ACO2: variants seen among roughly 807,000 people sequenced by gnomAD.
The protein encoded by ACO2 is aconitase 2.
A neutral mutation model predicts 84.5 loss-of-function variants in ACO2; 31 were observed. The observed-to-expected ratio is 0.37, with a 90% CI of 0.28 to 0.50. The LOEUF (loss-of-function observed/expected upper bound fraction) is 0.50, where lower values mean the gene tolerates loss of function less well. ACO2 is among the 20% of genes least tolerant of loss of function. The pLI is 0.97. For synonymous variants in ACO2, 414 were observed against 412.7 expected (o/e 1.00, Z -0.04); for missense variants, 685 against 1,029.3 (o/e 0.67, Z 4.58).
chr22:41,524,719 C>A, intron 12 of ACO2, 127 bp from the exon 13 acceptor site: 2 of 1,448,724 alleles, frequency 1.4e-6, no homozygotes, highest in Admixed American at 1.8e-5. Flanking sequence ...CTGAGGAACA[C>A]AGGGGTCTGG....
intron 1 of ACO2, among the ~76,000 whole-genome samples, chr22:41,476,973 A>G (rs1191057516): frequency 6.6e-6 from 1 of 151,196 alleles, no homozygotes; most frequent in East Asian, 2.0e-4. Context: ...ACATGGTGAA[A>G]CTCTGTCTCT....
intron 4 of ACO2, 155 bp downstream of exon 4, chr22:41,512,123 G>A (rs1046124464): frequency 1.6e-5 from 9 of 557,198 alleles, no homozygotes; most frequent in African/African-American, 1.4e-4. Context: ...TTTTGAAACT[G>A]ATTTTCATTA....
chr22:41,502,754 G>A (rs747613163), intron 2 of ACO2, among the ~76,000 whole-genome samples: 3 of 151,988 alleles, frequency 2.0e-5, no homozygotes, highest in South Asian at 2.1e-4. Flanking sequence ...GATTACAGGC[G>A]TGCATCACCA....
intron 1 of ACO2, among the ~76,000 whole-genome samples, chr22:41,491,853 A>G (rs768045914): frequency 6.6e-6 from 1 of 152,238 alleles, no homozygotes; most frequent in Non-Finnish European, 1.5e-5. Flanking sequence ...GGGTCACAGC[A>G]GTTAAGTGGT....
At chr22:41,524,066 C>T (rs2066552748) in intron 12 of ACO2, 125 bp downstream of exon 12, 2 of 782,756 alleles carry the variant, frequency 2.6e-6, no homozygotes, top group Non-Finnish European at 4.3e-6. Flanking sequence ...TACAGGCCTT[C>T]CCAGCCTCAG....
intron 15 of ACO2, 155 bp downstream of exon 15, chr22:41,526,608 T>G: frequency 2.6e-6 from 2 of 759,802 alleles, no homozygotes; most frequent in Non-Finnish European, 3.9e-6. Flanking sequence ...CTGCAGCCCC[T>G]CCCTGTGGCT....
chr22:41,524,166 T>A (rs925280239), intron 12 of ACO2, among the ~76,000 whole-genome samples: 3 of 152,174 alleles, frequency 2.0e-5, no homozygotes, highest in Non-Finnish European at 4.4e-5. Context: ...AGCATGGAAT[T>A]TGGAATCTCA....
intron 1 of ACO2, among the ~76,000 whole-genome samples, chr22:41,499,073 G>A (rs1296406342): frequency 6.6e-6 from 1 of 151,370 alleles, no homozygotes; most frequent in Non-Finnish European, 1.5e-5. Flanking sequence ...CTCCCACCTG[G>A]GCGGCAAGAC....
chr22:41,526,493 C>A (rs775360783), intron 15 of ACO2, 40 bp downstream of exon 15: 1 of 1,578,646 alleles, frequency 6.3e-7, no homozygotes, highest in East Asian at 2.3e-5. Flanking sequence ...GTGGTCACTC[C>A]TGAAGGGGCC....
intron 1 of ACO2, among the ~76,000 whole-genome samples, chr22:41,478,331 A>G (rs2038044799): frequency 6.6e-6 from 1 of 151,808 alleles, no homozygotes; most frequent in Non-Finnish European, 1.5e-5. Context: ...TTTAGTAGAG[A>G]CAGGGTCTCA....
chr22:41,504,933 C>T (rs2066382134), intron 2 of ACO2, among the ~76,000 whole-genome samples: 1 of 151,648 alleles, frequency 6.6e-6, no homozygotes, highest in South Asian at 2.1e-4. Context: ...AGGCTAGTCT[C>T]AAAACGCCTG....
At chr22:41,477,475 G>A (rs2038032293) in intron 1 of ACO2, among the ~76,000 whole-genome samples, 2 of 151,850 alleles carry the variant, frequency 1.3e-5, no homozygotes, top group Admixed American at 6.6e-5. Context: ...GTTTTATTCT[G>A]CAGCACCTGG....
intron 1 of ACO2, among the ~76,000 whole-genome samples, chr22:41,494,616 G>A (rs1432062499): frequency 6.6e-6 from 1 of 151,764 alleles, no homozygotes; most frequent in Non-Finnish European, 1.5e-5. Context: ...TCACCACGTT[G>A]GTCAGGCTGG....
At chr22:41,500,194 C>T (rs1366263529) in intron 2 of ACO2, among the ~76,000 whole-genome samples, 1 of 152,062 alleles carries the variant, frequency 6.6e-6, no homozygotes, top group African/African-American at 2.4e-5. Flanking sequence ...GCCACCAGGC[C>T]CAGTGCCTGG....
At chr22:41,527,529 GC>G in intron 16 of ACO2, 109 bp downstream of exon 16, 1 of 1,422,894 alleles carries the variant, frequency 7.0e-7, no homozygotes, top group Non-Finnish European at 9.4e-7. Flanking sequence ...GTCCACTGCA[GC>G]CCACAGGCCC....
chr22:41,520,672 C>T (rs902385429), intron 9 of ACO2, among the ~76,000 whole-genome samples: 7 of 151,982 alleles, frequency 4.6e-5, no homozygotes, highest in African/African-American at 1.7e-4. Flanking sequence ...GAAACCCCAT[C>T]TCTACTAAAA....
intron 9 of ACO2, among the ~76,000 whole-genome samples, chr22:41,520,545 AG>A (rs2066515852): frequency 6.6e-6 from 1 of 151,954 alleles, no homozygotes; most frequent in Non-Finnish European, 1.5e-5. Context: ...GTCTCTTAAA[AG>A]AAAATGCAAA....
rs756497120 is a variant in ACO2, at chr22:41,523,911, C to T, written c.1452C>T (p.Pro484=). The stretch of plus-strand genomic sequence containing the variant: ...TCACGGGCCGCAACGACGCAAACCC[C>T]GAGACCCATGCCTTTGTCACGTCCC... ...RNFTGRNDAN[P]ETHAFVTSPE... The change falls in exon 12 of 18, where the codon CCC becomes CCT. Residue 484 remains proline (P), a synonymous_variant. Coordinates refer to ENST00000216254, the MANE Select transcript of ACO2 (RefSeq NM_001098.3). 14 of 1,612,984 alleles carry T rather than the reference C, an allele frequency of 8.7e-6. No homozygotes were observed. The highest frequency in any genetic ancestry group is 1.9e-4 in the Middle Eastern group (1 of 5,170).
chr22:41,499,328 G>A (rs575403744), intron 1 of ACO2, among the ~76,000 whole-genome samples: 2 of 152,162 alleles, frequency 1.3e-5, no homozygotes, highest in Non-Finnish European at 2.9e-5. Context: ...GGTTTGGATA[G>A]TGTTTTACAG....
Sources: allele counts gnomAD v4.1 joint callset (sites outside exome capture counted in the v4.1 genomes callset), GRCh38; gene constraint gnomAD v4.1.1; transcripts MANE v1.5; gene names NCBI Gene and HGNC (gene_info 2026-07-23, HGNC 2026-07-21).